The following PCDHGC5 variants were observed in gnomAD, a reference collection of about 807,000 sequenced individuals.
The protein encoded by PCDHGC5 is protocadherin gamma-C5.
PCDHGC5 carries 25 observed loss-of-function variants against 59.0 expected under a neutral mutation model. The ratio of observed to expected loss-of-function variants is 0.42; its 90% CI spans 0.31 to 0.59. The LOEUF (loss-of-function observed/expected upper bound fraction) is 0.59, where lower values mean the gene tolerates loss of function less well. PCDHGC5 is among the 20% of genes least tolerant of loss of function. The pLI is 0.13. For missense variants in PCDHGC5, 1,067 were observed against 1,206.4 expected, an observed-to-expected ratio of 0.88 and a Z score of 1.71; for synonymous variants, 434 against 505.5, an observed-to-expected ratio of 0.86 and a Z score of 1.90.
intron 2 of PCDHGC5, among the ~76,000 whole-genome samples, chr5:141,495,936 T>C (rs1329369782): frequency 6.6e-6 from 1 of 152,206 alleles, no homozygotes; most frequent in Non-Finnish European, 1.5e-5. Flanking sequence ...GTCTCTGGTC[T>C]CTGTGCCTGT....
At chr5:141,510,509 C>G (rs146315792) in intron 3 of PCDHGC5, among the ~76,000 whole-genome samples, 13 of 152,204 alleles carry the variant, frequency 8.5e-5, no homozygotes, top group Non-Finnish European at 1.6e-4. Flanking sequence ...ACTGAGAGCC[C>G]GTGTCACAGC....
In PCDHGC5 at chr5:141,491,727, G is replaced by C; in HGVS notation, c.2460+27G>C. On this transcript the variant is annotated intron_variant, in intron 1 of 3. Transcript: ENST00000252087. This position sits in a 1 kb window ranked among gnomAD's most constrained non-coding sequence, Gnocchi z 6.9. ...TGAGGGGCTCGGCGCCGCCCCGGGC[G>C]ACCCCTGGGGGCGGCACTGGAGAAG... 6.2e-7 allele frequency: 1 copy of C among 1,604,916 alleles called. No individual in the cohort carries two copies. The highest frequency in any genetic ancestry group is 8.5e-7 in the Non-Finnish European group (1 of 1,176,284).
Position 141,511,375 on chromosome 5 carries a change from A to G in PCDHGC5, c.*202A>G. 2 of 1,236,730 alleles carry G rather than the reference A, an allele frequency of 1.6e-6. No individual in the cohort carries two copies. The highest frequency in any genetic ancestry group is 2.2e-6 in the Non-Finnish European group (2 of 912,840). 76.6% of individuals were successfully genotyped at this position (1,236,730 alleles called of 1,614,324 possible). A position where few individuals can be genotyped will look rare whatever the true frequency, so the allele number is the denominator to read the frequency against. On this transcript the variant is annotated 3_prime_UTR_variant, in exon 4 of 4. Coordinates refer to ENST00000252087, the MANE Select transcript of PCDHGC5 (RefSeq NM_018929.3). ...CCCAGGGGGTTGAATATGCAAAAGCAGTTCCGCTGGGAACCCCCATCCAAT... is the reference window on the plus strand; with the variant it reads ...CCCAGGGGGTTGAATATGCAAAAGCGGTTCCGCTGGGAACCCCCATCCAAT...
rs1356654620 is a variant in PCDHGC5 at position 141,490,430 on chromosome 5, TTAA to T, written c.1191_1193del (p.Ile397_Lys398delinsMet). On this transcript the variant is annotated inframe_deletion, in exon 1 of 4. Coordinates refer to ENST00000252087, the MANE Select transcript of PCDHGC5 (RefSeq NM_018929.3). The surrounding 1 kb of genome is among the most constrained non-coding windows in gnomAD (Gnocchi z 5.4). ...ATCTCTCCGGACCTGCCATTTCAGA[TTAA>T]GCCTTCTGAGAACCACTACTCGCTG... 1 of 1,614,162 alleles carries T rather than the reference TTAA, an allele frequency of 6.2e-7. No individual in the cohort carries two copies.
rs2099745664 is a variant in PCDHGC5 at position 141,493,015 on chromosome 5, T to A, written c.2460+1315T>A. Among the ~76,000 whole-genome samples, 1 of 152,238 alleles carries A rather than the reference T, an allele frequency of 6.6e-6. No homozygotes were observed. The highest frequency in any genetic ancestry group is 1.5e-5 in the Non-Finnish European group (1 of 68,040). ...ATGGAAAGCTATAGGCTCTGCCAGA[T>A]GCCAGGGTGCCCTTATGTGTGAGGA... On this transcript the variant is annotated intron_variant, in intron 1 of 3. Transcript: ENST00000252087. The surrounding 1 kb of genome is among the most constrained non-coding windows in gnomAD (Gnocchi z 4.3).
At position 141,489,369 on chromosome 5, in the gene PCDHGC5, G is replaced by A. The variant is rs371328808; in HGVS notation, c.129G>A (p.Thr43=). The A allele has an allele frequency of 4.5e-5, 73 of 1,613,474 alleles. No individual in the cohort carries two copies. Among genetic ancestry groups the A allele is most frequent in the African/African-American group, 4.1e-4 (31 of 74,894 alleles). ...YSVVEESEPG[T]LVGNVAQDLG... is the part of the protein sequence containing the mutation. ...TGGTGGAGGAGTCTGAGCCGGGGACGCTGGTGGGGAATGTTGCTCAGGATC... is the reference window on the plus strand; with the variant it reads ...TGGTGGAGGAGTCTGAGCCGGGGACACTGGTGGGGAATGTTGCTCAGGATC... The change falls in exon 1 of 4, where the codon ACG becomes ACA. Residue 43 remains threonine, a synonymous_variant. Transcript: ENST00000252087. This position sits in a 1 kb window ranked among gnomAD's most constrained non-coding sequence, Gnocchi z 4.5.
Position 141,510,999 on chromosome 5 carries a change from G to C in PCDHGC5, c.2661G>C (p.Leu887Phe). Residue 887 changes from leucine (L) to phenylalanine (F), a missense_variant, in exon 4 of 4, where the codon TTG (leucine) becomes TTC (phenylalanine). Coordinates refer to ENST00000252087, the MANE Select transcript of PCDHGC5 (RefSeq NM_018929.3). ...GAGGGGGTGCCGGCACCATGGGATT[G>C]AGCGCCCGCTACGGACCCCAGTTCA... ...TLGGGAGTMG[L>F]SARYGPQFTL... 6.2e-7 allele frequency: 1 copy of C among 1,614,144 alleles called. No homozygotes were observed. Among genetic ancestry groups the C allele is most frequent in the Non-Finnish European group, 8.5e-7 (1 of 1,180,008 alleles).
Position 141,491,687 on chromosome 5 carries a change from G to A in PCDHGC5, c.2447G>A (p.Arg816Gln). Residue 816 changes from arginine (R) to glutamine (Q), a missense_variant, in exon 1 of 4, where the codon CGG becomes CAG. Physicochemically the swap from Arg to Gln is conservative, Grantham distance 43. Transcript: ENST00000252087. This position sits in a 1 kb window ranked among gnomAD's most constrained non-coding sequence, Gnocchi z 6.9. Reference sequence around the variant, plus strand: ...ATCCGGTCCCGCTCTAATACGCTGCGGGAGCGGAGCCAGGTGAGGGGCTCG... The same window carrying A: ...ATCCGGTCCCGCTCTAATACGCTGCAGGAGCGGAGCCAGGTGAGGGGCTCG... ...DAIRSRSNTL[R>Q]ERSQQAPPNT... The A allele has an allele frequency of 6.2e-7, 1 of 1,613,072 alleles. No homozygotes were observed. The highest frequency in any genetic ancestry group is 8.5e-7 in the Non-Finnish European group (1 of 1,179,608).
In PCDHGC5 at chr5:141,491,419, G is replaced by A. The variant is rs1422517367; in HGVS notation, c.2179G>A (p.Gly727Arg). The change falls in exon 1 of 4, where the codon GGA (glycine) becomes AGA (arginine). Residue 727 changes from glycine to arginine, a missense_variant. Coordinates refer to ENST00000252087, the MANE Select transcript of PCDHGC5 (RefSeq NM_018929.3). This position sits in a 1 kb window ranked among gnomAD's most constrained non-coding sequence, Gnocchi z 6.9. ...LQGNADGDGGGGQCCRRQDSP... is the reference protein window; with the variant it reads ...LQGNADGDGGRGQCCRRQDSP... ...GGGAAACGCAGACGGGGACGGGGGT[G>A]GAGGGCAGTGCTGCAGGCGCCAGGA... 1 of 1,614,124 alleles carries A rather than the reference G, an allele frequency of 6.2e-7. No individual in the cohort carries two copies.
Position 141,490,177 on chromosome 5 carries a change from T to C in PCDHGC5, c.937T>C (p.Ser313Pro), listed in dbSNP as rs780298274. 12 of 1,613,622 alleles carry C rather than the reference T, an allele frequency of 7.4e-6. No individual in the cohort carries two copies. The highest frequency in any genetic ancestry group is 1.0e-5 in the Non-Finnish European group (12 of 1,179,932). Residue 313 changes from serine (S) to proline (P), a missense_variant, in exon 1 of 4, where the codon TCA becomes CCA. Physicochemically the swap from Ser to Pro is moderately conservative, Grantham distance 74 (BLOSUM62 -1). Transcript: ENST00000252087. This position sits in a 1 kb window ranked among gnomAD's most constrained non-coding sequence, Gnocchi z 5.4. The stretch of plus-strand genomic sequence containing the variant: ...GTTGGGTCCCATAGACTTTGAGGAG[T>C]CACGTTTCTATGAAATTCATGCAAG... The part of the protein sequence containing the change: ...HVLGPIDFEE[S>P]RFYEIHARAR...
chr5:141,511,230 C>A lies in PCDHGC5; in HGVS notation c.*57C>A. On this transcript the variant is annotated 3_prime_UTR_variant, in exon 4 of 4. Transcript: ENST00000252087. ...CCTCTCCCCAACCAGCCCAGCTTCT[C>A]CTTACCTGCACCCAGGCCTCAGAGT... 6.3e-7 allele frequency: 1 copy of A among 1,597,914 alleles called. No homozygotes were observed. The highest frequency in any genetic ancestry group is 1.1e-5 in the South Asian group (1 of 89,144).
At chr5:141,495,279 G>T (rs72790069) in intron 2 of PCDHGC5, among the ~76,000 whole-genome samples, 4 of 152,146 alleles carry the variant, frequency 2.6e-5, no homozygotes, top group Non-Finnish European at 5.9e-5. Context: ...CGGAGGAGGC[G>T]GTCCGCACTC....
In PCDHGC5 at chr5:141,512,223, C is replaced by G. The variant is rs1321595614; in HGVS notation, c.*1050C>G. 6.5e-6 allele frequency: 1 copy of G among 152,728 alleles called. No individual in the cohort carries two copies. The highest frequency in any genetic ancestry group is 1.5e-5 in the Non-Finnish European group (1 of 68,110). 9.5% of individuals were successfully genotyped at this position (152,728 alleles called of 1,614,324 possible). ...CTCGAAGCAGGTTTAGGACCAGGTC[C>G]CCTTGAGAGGTCAGAGGGGCCTCTG... On this transcript the variant is annotated 3_prime_UTR_variant, in exon 4 of 4. Transcript: ENST00000252087.
intron 2 of PCDHGC5, among the ~76,000 whole-genome samples, chr5:141,503,682 G>A (rs1430771639): frequency 1.3e-5 from 2 of 151,974 alleles, no homozygotes; most frequent in South Asian, 4.1e-4. Flanking sequence ...CTTTTGGGAA[G>A]GAGAATTGAG....
Position 141,511,995 on chromosome 5 carries a change from A to G in PCDHGC5, c.*822A>G, listed in dbSNP as rs1049905198. The G allele has an allele frequency of 1.3e-5, 2 of 153,074 alleles. No homozygotes were observed. The highest frequency in any genetic ancestry group is 4.8e-5 in the African/African-American group (2 of 41,464). The allele number at this position is 153,074 out of a possible 1,614,324, so 9.5% of individuals were successfully genotyped here. On this transcript the variant is annotated 3_prime_UTR_variant, in exon 4 of 4. Transcript: ENST00000252087. The stretch of plus-strand genomic sequence containing the variant: ...GGATGTGGATGGTGGGGGCATGGAC[A>G]AAGCTTGACACATCAAGTTATCAAG...
chr5:141,493,289 C>A lies in PCDHGC5; in HGVS notation c.2461-1518C>A, dbSNP rs925045650. On this transcript the variant is annotated intron_variant, in intron 1 of 3. Coordinates refer to ENST00000252087, the MANE Select transcript of PCDHGC5 (RefSeq NM_018929.3). This position sits in a 1 kb window ranked among gnomAD's most constrained non-coding sequence, Gnocchi z 4.3. The stretch of plus-strand genomic sequence containing the variant: ...CTTCACAGAGGTCAAGTGACTTGCT[C>A]AAGTTCACAGAGCAAGTAAGAGAGA... 6.6e-6 allele frequency among the ~76,000 whole-genome samples: 1 copy of A among 152,176 alleles called. No individual in the cohort carries two copies. Among genetic ancestry groups the A allele is most frequent in the East Asian group, 1.9e-4 (1 of 5,194 alleles).
chr5:141,490,042 G>A lies in PCDHGC5; in HGVS notation c.802G>A (p.Asp268Asn). Residue 268 changes from aspartate (D) to asparagine (N), a missense_variant, in exon 1 of 4, where the codon GAT becomes AAT. Transcript: ENST00000252087. This position sits in a 1 kb window ranked among gnomAD's most constrained non-coding sequence, Gnocchi z 5.4. ...GTLLLRLNAT[D>N]PDEGTNGQLD... ...TCTGCTGCTCCGCCTCAATGCCACT[G>A]ATCCAGACGAGGGCACCAACGGCCA... The A allele has an allele frequency of 6.2e-7, 1 of 1,614,266 alleles. No homozygotes were observed. Among genetic ancestry groups the A allele is most frequent in the Non-Finnish European group, 8.5e-7 (1 of 1,180,038 alleles).
intron 3 of PCDHGC5, among the ~76,000 whole-genome samples, chr5:141,505,989 T>C (rs1275642739): frequency 6.6e-6 from 1 of 152,136 alleles, no homozygotes; most frequent in Non-Finnish European, 1.5e-5. Context: ...ACACCTCCTC[T>C]TTATGCGAGG....
At chr5:141,499,029 A>AAGGAAGGAAGGAAGG (rs1562187768) in intron 2 of PCDHGC5, among the ~76,000 whole-genome samples, 10 of 139,968 alleles carry the variant, frequency 7.1e-5, no homozygotes, top group African/African-American at 2.8e-4. Context: ...AGGAAGGAAG[A>AAGGAAGGAAGGAAGG]AAAGAAAGAA....
Sources: gnomAD v4.1 joint callset for allele counts (sites outside exome capture counted in the v4.1 genomes callset) on GRCh38, gnomAD v4.1.1 for gene constraint, Gnocchi (gnomAD v3.1) non-coding constraint, MANE v1.5 for transcripts, NCBI Gene and HGNC (gene_info 2026-07-23, HGNC 2026-07-21) for gene names.